The following PCDHGA11 variants were observed in gnomAD, a reference collection of about 807,000 sequenced individuals.
PCDHGA11 encodes protocadherin gamma subfamily A, 11, also known as protocadherin gamma-A11.
A neutral mutation model predicts 60.4 loss-of-function variants in PCDHGA11; 39 were observed. The ratio of observed to expected loss-of-function variants is 0.65; its 90% CI spans 0.50 to 0.84. The LOEUF (loss-of-function observed/expected upper bound fraction) is 0.84. Ranked by LOEUF, PCDHGA11 falls within the 40% of genes least tolerant of loss-of-function variation. The probability of loss-of-function intolerance (pLI) is 0.00; values close to 1 mark genes in which losing one functional copy is unlikely to be tolerated. For synonymous variants in PCDHGA11, 533 were observed against 510.3 expected (o/e 1.04, Z -0.60); for missense variants, 1,165 against 1,197.7 (o/e 0.97, Z 0.40).
chr5:141,430,276 G>C (rs2097271928), intron 1 of PCDHGA11, among the ~76,000 whole-genome samples: 1 of 151,720 alleles, frequency 6.6e-6, no homozygotes, highest in South Asian at 2.1e-4. Context: ...TGTGTTGGGG[G>C]AACAGTAATC....
intron 1 of PCDHGA11, chr5:141,428,129 C>T (rs1449809875): frequency 1.2e-6 from 2 of 1,603,336 alleles, no homozygotes; most frequent in Non-Finnish European, 1.7e-6. Context: ...CCGGGCTTTT[C>T]AGCCTGGGGC....
intron 1 of PCDHGA11, among the ~76,000 whole-genome samples, chr5:141,439,495 C>A (rs142329128): frequency 6.6e-6 from 1 of 152,206 alleles, no homozygotes; most frequent in Non-Finnish European, 1.5e-5. Context: ...CAGTGAGAAA[C>A]GTCTTTCTCT....
rs150878327 is a variant in PCDHGA11 at position 141,438,347 on chromosome 5, C to A, written c.2433+14687C>A. On this transcript the variant is annotated intron_variant, in intron 1 of 3. Coordinates refer to ENST00000398587, the MANE Select transcript of PCDHGA11 (RefSeq NM_018914.3). ...CTTATACATGTCATATAAGGATCTACTCTGTGTATTGTCATTGAGGGCAGA... is the reference window on the plus strand; with the variant it reads ...CTTATACATGTCATATAAGGATCTAATCTGTGTATTGTCATTGAGGGCAGA... Among the ~76,000 whole-genome samples the A allele has an allele frequency of 3.9e-3, 588 of 151,848 alleles. 6 individuals are homozygous for A. Among genetic ancestry groups the A allele is most frequent in the Admixed American group, 0.011 (169 of 15,256 alleles).
chr5:141,500,460 C>T (rs1421637554), intron 2 of PCDHGA11, among the ~76,000 whole-genome samples: 2 of 152,234 alleles, frequency 1.3e-5, no homozygotes, highest in South Asian at 2.1e-4. Context: ...CCGCCCGCCT[C>T]GGCCTCCCAA....
chr5:141,491,014 G>A lies in PCDHGA11; in HGVS notation c.2434-3793G>A, dbSNP rs761902295. On this transcript the variant is annotated intron_variant, in intron 1 of 3. Transcript: ENST00000398587. This position sits in a 1 kb window ranked among gnomAD's most constrained non-coding sequence, Gnocchi z 6.9. ...TCCTCCTGGCTCCTTGGTCACCAAG[G>A]TGACAGCCGTGGATGCTGATGCAGG... 6 of 1,614,134 alleles carry A rather than the reference G, an allele frequency of 3.7e-6. No individual in the cohort carries two copies. Among genetic ancestry groups the A allele is most frequent in the Non-Finnish European group, 4.2e-6 (5 of 1,180,044 alleles).
chr5:141,456,229 C>G (rs191169523), intron 1 of PCDHGA11, among the ~76,000 whole-genome samples: 9 of 152,234 alleles, frequency 5.9e-5, no homozygotes, highest in African/African-American at 1.7e-4. Context: ...ATCAAACTAA[C>G]TGCTGTTAGG....
chr5:141,480,152 C>G (rs2099513323), intron 1 of PCDHGA11, among the ~76,000 whole-genome samples: 1 of 151,928 alleles, frequency 6.6e-6, no homozygotes, highest in African/African-American at 2.4e-5. Context: ...TAGCCAGCTC[C>G]TAGCATTTTG....
intron 1 of PCDHGA11, 143 bp from the exon 2 acceptor site, chr5:141,494,664 A>T: frequency 6.7e-7 from 1 of 1,500,298 alleles, no homozygotes; most frequent in Non-Finnish European, 8.9e-7. Flanking sequence ...GTCTTTGGAG[A>T]TGAGTCCACC....
intron 1 of PCDHGA11, among the ~76,000 whole-genome samples, chr5:141,446,338 G>T (rs964323259): frequency 6.6e-6 from 1 of 152,128 alleles, no homozygotes; most frequent in African/African-American, 2.4e-5. Flanking sequence ...GGAACTGGAT[G>T]GACAAAGCTA....
intron 2 of PCDHGA11, among the ~76,000 whole-genome samples, chr5:141,504,451 G>A (rs2099838355): frequency 1.3e-5 from 2 of 152,070 alleles, no homozygotes; most frequent in South Asian, 4.2e-4. Context: ...CTAGTGCCAT[G>A]TGGGGCAGCC....
At chr5:141,464,870 C>G (rs1488189681) in intron 1 of PCDHGA11, among the ~76,000 whole-genome samples, 1 of 152,126 alleles carries the variant, frequency 6.6e-6, no homozygotes, top group Non-Finnish European at 1.5e-5. Flanking sequence ...TCCCAAGTAG[C>G]TAGGACTACA....
intron 1 of PCDHGA11, among the ~76,000 whole-genome samples, chr5:141,444,862 A>G (rs781224880): frequency 1.8e-4 from 28 of 152,198 alleles, no homozygotes; most frequent in Non-Finnish European, 2.9e-4. Flanking sequence ...AAGTCTTACT[A>G]CAGGACAAAG....
intron 1 of PCDHGA11, chr5:141,478,139 G>A: frequency 6.2e-7 from 1 of 1,614,040 alleles, no homozygotes; most frequent in Non-Finnish European, 8.5e-7. Context: ...TGAAGCCCGA[G>A]CCGAGTTCCC....
At chr5:141,479,866 A>G (rs1020197891) in intron 1 of PCDHGA11, among the ~76,000 whole-genome samples, 2 of 152,204 alleles carry the variant, frequency 1.3e-5, no homozygotes, top group African/African-American at 2.4e-5. Context: ...TTTGCCCTGG[A>G]GAGAACCCTA....
chr5:141,421,970 A>C lies in PCDHGA11; in HGVS notation c.743A>C (p.Tyr248Ser). 1 of 1,610,928 alleles carries C rather than the reference A, an allele frequency of 6.2e-7. No homozygotes were observed. Among genetic ancestry groups the C allele is most frequent in the Middle Eastern group, 1.7e-4 (1 of 6,042 alleles). ...ATCCCAATGTTTACACAGTCCGTAT[A>C]TCGCGTGAGTGTTCCAGAAAACATC... ...DHIPMFTQSV[Y>S]RVSVPENISS... The change falls in exon 1 of 4, where the codon TAT becomes TCT. Residue 248 changes from tyrosine (Y) to serine (S), a missense_variant. Transcript: ENST00000398587.
In PCDHGA11 at chr5:141,476,789, T is replaced by A. The variant is rs762462741; in HGVS notation, c.2434-18018T>A. On this transcript the variant is annotated intron_variant, in intron 1 of 3. Coordinates refer to ENST00000398587, the MANE Select transcript of PCDHGA11 (RefSeq NM_018914.3). The surrounding 1 kb of genome is among the most constrained non-coding windows in gnomAD (Gnocchi z 7.6). ...GTTGGACGGAGGGACCCCAGCTCTCTCCGCCAGCCTGCCTATTCACATCAA... is the reference window on the plus strand; with the variant it reads ...GTTGGACGGAGGGACCCCAGCTCTCACCGCCAGCCTGCCTATTCACATCAA... 1.3e-5 allele frequency: 21 copies of A among 1,613,374 alleles called. No individual in the cohort carries two copies. Among genetic ancestry groups the A allele is most frequent in the Non-Finnish European group, 1.7e-5 (20 of 1,180,016 alleles).
Position 141,485,844 on chromosome 5 carries a change from G to T in PCDHGA11, c.2434-8963G>T. On this transcript the variant is annotated intron_variant, in intron 1 of 3. Transcript: ENST00000398587. This position sits in a 1 kb window ranked among gnomAD's most constrained non-coding sequence, Gnocchi z 5.7. ...GATGGAGGGAACCCGCCGAGATCTG[G>T]CACCGCAGAGCTCCGGGTATCCGTG... The T allele has an allele frequency of 1.9e-6, 3 of 1,613,890 alleles. 1 individual carries two copies. The South Asian group carries it at 3.3e-5, about 18-fold the overall frequency.
In PCDHGA11 at chr5:141,432,513, G is replaced by T. The variant is rs755227021; in HGVS notation, c.2433+8853G>T. On this transcript the variant is annotated intron_variant, in intron 1 of 3. Coordinates refer to ENST00000398587, the MANE Select transcript of PCDHGA11 (RefSeq NM_018914.3). The surrounding 1 kb of genome is among the most constrained non-coding windows in gnomAD (Gnocchi z 6.0). ...CTGGCTCCCCGCTCCGCAGAGCCCG[G>T]CTACCTGGTGACCAAGGTGGTGGCG... The T allele has an allele frequency of 3.1e-6, 5 of 1,614,102 alleles. No individual in the cohort carries two copies. Among genetic ancestry groups the T allele is most frequent in the African/African-American group, 2.7e-5 (2 of 75,062 alleles).
chr5:141,497,385 C>T (rs2154592097), intron 2 of PCDHGA11, among the ~76,000 whole-genome samples: 1 of 152,212 alleles, frequency 6.6e-6, no homozygotes, highest in African/African-American at 2.4e-5. Flanking sequence ...GGGGTGAGCA[C>T]CTTACCCCTG....
Sources: gnomAD v4.1 joint callset for allele counts (sites outside exome capture counted in the v4.1 genomes callset) on GRCh38, gnomAD v4.1.1 for gene constraint, Gnocchi (gnomAD v3.1) non-coding constraint, MANE v1.5 for transcripts, NCBI Gene and HGNC (gene_info 2026-07-23, HGNC 2026-07-21) for gene names.